Variants in ZSWIM9 observed in about 807,000 individuals in gnomAD.
ZSWIM9 encodes the protein uncharacterized protein ZSWIM9.
ZSWIM9 carries 11 observed loss-of-function variants against 25.0 expected under a neutral mutation model. That is an observed-to-expected ratio of 0.44 (90% confidence interval 0.28 to 0.73). The LOEUF (loss-of-function observed/expected upper bound fraction) is 0.73. ZSWIM9 is among the 30% of genes least tolerant of loss of function. The pLI, the probability that ZSWIM9 is intolerant of heterozygous loss-of-function variation, is 0.16. For missense variants in ZSWIM9, 1,070 were observed against 1,296.5 expected (o/e 0.83, Z 2.68); for synonymous variants, 562 against 582.1 (o/e 0.97, Z 0.50).
chr19:48,175,241 G>T (rs2036880412), intron 2 of ZSWIM9, among the ~76,000 whole-genome samples: 2 of 152,216 alleles, frequency 1.3e-5, no homozygotes, highest in South Asian at 4.1e-4. Flanking sequence ...CAGGACTATG[G>T]AGGGGGCGAG....
At chr19:48,187,606 A>G (rs1333697003) in intron 3 of ZSWIM9, 1 of 104,642 alleles carries the variant, frequency 9.6e-6, no homozygotes. Flanking sequence ...AATATTATAT[A>G]TTATATTAAT....
intron 2 of ZSWIM9, 65 bp downstream of exon 2, chr19:48,172,142 G>GA: frequency 9.2e-6 from 5 of 546,416 alleles, no homozygotes; most frequent in Admixed American, 2.7e-5. Flanking sequence ...GTGTGGGTGG[G>GA]AGACGGGCAG....
Position 48,195,391 on chromosome 19 carries a change from G to C in ZSWIM9, c.1327G>C (p.Val443Leu). ...GTGGGCCGACGCGGCCGGGGAGGCG[G>C]TGCCCGAGGGGCCCGATGGCGGGGG... ...MQWADAAGEA[V>L]PEGPDGGGPW... is the part of the protein sequence containing the mutation. The change falls in exon 4 of 4, where the codon GTG becomes CTG. Residue 443 changes from valine to leucine, a missense_variant. By Grantham distance (32) the Val-to-Leu change is conservative. Around this residue, in one of 4 missense-constraint regions of ZSWIM9, gnomAD observed 583 missense variants for 624.7 expected, o/e 0.93. Transcript: ENST00000614654. This position sits in a 1 kb window ranked among gnomAD's most constrained non-coding sequence, Gnocchi z 5.8. 2 of 1,481,850 alleles carry C rather than the reference G, an allele frequency of 1.3e-6. No individual in the cohort carries two copies. The highest frequency in any genetic ancestry group is 1.8e-6 in the Non-Finnish European group (2 of 1,126,188). The allele number at this position is 1,481,850 out of a possible 1,614,324, so 91.8% of individuals were successfully genotyped here. A position where few individuals can be genotyped will look rare whatever the true frequency, so the allele number is the denominator to read the frequency against.
intron 3 of ZSWIM9, chr19:48,191,989 A>G (rs896445626): frequency 1.3e-5 from 2 of 154,782 alleles, no homozygotes; most frequent in East Asian, 3.9e-4. Context: ...TCATCTGAAA[A>G]AGGGGAATGA....
At position 48,196,784 on chromosome 19, in the gene ZSWIM9, T is replaced by C. The variant is rs990986915; in HGVS notation, c.2720T>C (p.Met907Thr). The C allele has an allele frequency of 1.2e-5, 15 of 1,235,030 alleles. No homozygotes were observed. In the East Asian group the frequency reaches 4.1e-4, roughly 34 times the overall value. 76.5% of individuals were successfully genotyped at this position (1,235,030 alleles called of 1,614,324 possible). A position where few individuals can be genotyped will look rare whatever the true frequency, so the allele number is the denominator to read the frequency against. The change falls in exon 4 of 4, where the codon ATG becomes ACG. Residue 907 changes from methionine (M) to threonine (T), a missense_variant. Transcript: ENST00000614654. ...RLLTGAALFH[M>T]DLLRDCWGRA... Reference sequence around the variant, plus strand: ...CTCACTGGGGCTGCCTTATTCCACATGGACCTGCTCAGGGATTGCTGGGGG... The same window carrying C: ...CTCACTGGGGCTGCCTTATTCCACACGGACCTGCTCAGGGATTGCTGGGGG...
intron 3 of ZSWIM9, among the ~76,000 whole-genome samples, chr19:48,185,786 A>C (rs2037004672): frequency 1.3e-5 from 2 of 152,186 alleles, no homozygotes; most frequent in South Asian, 4.1e-4. Context: ...CAGGAGTTCG[A>C]GACCAGCATG....
Position 48,182,228 on chromosome 19 carries a change from T to A in ZSWIM9, c.276-227T>A, listed in dbSNP as rs2036954766. The A allele has an allele frequency of 1.8e-6, 1 of 571,110 alleles. No individual in the cohort carries two copies. Among genetic ancestry groups the A allele is most frequent in the Non-Finnish European group, 3.1e-6 (1 of 322,970 alleles). 35.4% of individuals were successfully genotyped at this position (571,110 alleles called of 1,614,324 possible). A position where few individuals can be genotyped will look rare whatever the true frequency, so the allele number is the denominator to read the frequency against. The stretch of plus-strand genomic sequence containing the variant: ...TCTTTTCATGCTCATGACGATCCTA[T>A]GAGGAAGGTATGATGAGTAGGACCT... On this transcript the variant is annotated intron_variant, in intron 2 of 3. Transcript: ENST00000614654. This position sits in a 1 kb window ranked among gnomAD's most constrained non-coding sequence, Gnocchi z 4.6.
chr19:48,180,726 G>T (rs961162121), intron 2 of ZSWIM9: 1 of 151,392 alleles, frequency 6.6e-6, no homozygotes, highest in African/African-American at 2.4e-5. Context: ...CGGAAACAAA[G>T]AGTTTTCTTT....
chr19:48,195,743 G>C lies in ZSWIM9; in HGVS notation c.1679G>C (p.Arg560Thr), dbSNP rs2037154607. The change falls in exon 4 of 4, where the codon AGG (arginine) becomes ACG (threonine). Residue 560 changes from arginine to threonine, a missense_variant. Arg to Thr is a moderately conservative substitution (Grantham distance 71). This residue lies in a region of ZSWIM9 where 583 missense variants were observed against 624.7 expected (regional missense o/e 0.93). Coordinates refer to ENST00000614654, the MANE Select transcript of ZSWIM9 (RefSeq NM_199341.4). The surrounding 1 kb of genome is among the most constrained non-coding windows in gnomAD (Gnocchi z 5.8). ...AGAGGGCCAGAGATTAGAGACTGGA[G>C]GGGGCCCCAGTTGGAGGGTGAGAAA... Reference protein sequence around the residue: ...HLRGPEIRDWRGPQLEGEKDW... With the variant: ...HLRGPEIRDWTGPQLEGEKDW... 1 of 1,485,882 alleles carries C rather than the reference G, an allele frequency of 6.7e-7. No individual in the cohort carries two copies. Among genetic ancestry groups the C allele is most frequent in the African/African-American group, 1.4e-5 (1 of 70,434 alleles). 92.0% of individuals were successfully genotyped at this position (1,485,882 alleles called of 1,614,324 possible).
At chr19:48,175,636 A>T (rs1035846209) in intron 2 of ZSWIM9, among the ~76,000 whole-genome samples, 1 of 151,898 alleles carries the variant, frequency 6.6e-6, no homozygotes, top group African/African-American at 2.4e-5. Context: ...GTGGGAGACG[A>T]TGTGGGGGAG....
At chr19:48,179,870 G>A (rs987891823) in intron 2 of ZSWIM9, among the ~76,000 whole-genome samples, 2 of 152,172 alleles carry the variant, frequency 1.3e-5, no homozygotes, top group Admixed American at 6.5e-5. Flanking sequence ...CAGTTCTGGA[G>A]GTCAGGCGGC....
intron 2 of ZSWIM9, among the ~76,000 whole-genome samples, chr19:48,173,617 C>T (rs148277831): frequency 2.0e-4 from 31 of 151,844 alleles, no homozygotes; most frequent in African/African-American, 7.0e-4. Flanking sequence ...CCAAATTGAC[C>T]CCAATTTTAT....
Position 48,196,879 on chromosome 19 carries a change from T to C in ZSWIM9, c.*52T>C, listed in dbSNP as rs1237623050. The C allele has an allele frequency of 8.0e-7, 1 of 1,249,264 alleles. No individual in the cohort carries two copies. The highest frequency in any genetic ancestry group is 3.1e-5 in the East Asian group (1 of 32,540). The allele number at this position is 1,249,264 out of a possible 1,614,324, so 77.4% of individuals were successfully genotyped here. A position where few individuals can be genotyped will look rare whatever the true frequency, so the allele number is the denominator to read the frequency against. ...CCACCAGGAGGGTCGGAGGGCATTC[T>C]TCGATCCCAAAGATAATAGGGCTGA... On this transcript the variant is annotated 3_prime_UTR_variant, in exon 4 of 4. Coordinates refer to ENST00000614654, the MANE Select transcript of ZSWIM9 (RefSeq NM_199341.4).
At position 48,171,837 on chromosome 19, in the gene ZSWIM9, C is replaced by CGGGGCAGGA. The variant is rs1381702553; in HGVS notation, c.38_46dup (p.Gly13_Glu15dup). 7.2e-6 allele frequency: 11 copies of CGGGGCAGGA among 1,534,052 alleles called. No homozygotes were observed. Among genetic ancestry groups the CGGGGCAGGA allele is most frequent in the Non-Finnish European group, 8.7e-6 (10 of 1,146,170 alleles). ...CCGGAGCCCCCACCCGGCACGGCTG[C>CGGGGCAGGA]GGGGCAGGAGGAGCAGGAGCTGCGG... is the stretch of plus-strand genomic sequence containing the variant. On this transcript the variant is annotated inframe_insertion, in exon 2 of 4. Coordinates refer to ENST00000614654, the MANE Select transcript of ZSWIM9 (RefSeq NM_199341.4).
chr19:48,187,982 A>AGATC (rs2037051922), intron 3 of ZSWIM9, among the ~76,000 whole-genome samples: 1 of 151,412 alleles, frequency 6.6e-6, no homozygotes, highest in African/African-American at 2.4e-5. Flanking sequence ...ATAGATAGAT[A>AGATC]GATAGACAGA....
intron 3 of ZSWIM9, among the ~76,000 whole-genome samples, chr19:48,192,450 A>C (rs1191383594): frequency 1.2e-3 from 9 of 7,438 alleles, no homozygotes; most frequent in Non-Finnish European, 1.6e-3. Flanking sequence ...ACTCTGTCTC[A>C]AAAAAAAAAA....
chr19:48,174,019 G>A (rs1178581124), intron 2 of ZSWIM9, among the ~76,000 whole-genome samples: 1 of 152,056 alleles, frequency 6.6e-6, no homozygotes. Flanking sequence ...TGTTTCCATT[G>A]GCAGACGGCC....
Position 48,182,412 on chromosome 19 carries a change from C to T in ZSWIM9, c.276-43C>T. On this transcript the variant is annotated intron_variant, in intron 2 of 3. Transcript: ENST00000614654. This position sits in a 1 kb window ranked among gnomAD's most constrained non-coding sequence, Gnocchi z 4.6. ...AGGTGAGTGGAAAGGAAGAAGAGGGCAGCAGAGTGATGTGACCAGGGCGGT... is the reference window on the plus strand; with the variant it reads ...AGGTGAGTGGAAAGGAAGAAGAGGGTAGCAGAGTGATGTGACCAGGGCGGT... The T allele has an allele frequency of 7.0e-7, 1 of 1,423,840 alleles. No homozygotes were observed. Among genetic ancestry groups the T allele is most frequent in the Non-Finnish European group, 9.4e-7 (1 of 1,064,224 alleles). The allele number at this position is 1,423,840 out of a possible 1,614,324, so 88.2% of individuals were successfully genotyped here.
At chr19:48,187,663 T>A (rs2037046456) in intron 3 of ZSWIM9, 1 of 129,728 alleles carries the variant, frequency 7.7e-6, no homozygotes, top group South Asian at 2.2e-4. Flanking sequence ...ATATAATAGG[T>A]GCGATGGCTC....
Sources: allele counts gnomAD v4.1 joint callset (sites outside exome capture counted in the v4.1 genomes callset), GRCh38; gene constraint gnomAD v4.1.1; regional missense constraint gnomAD v4.1.1; non-coding constraint Gnocchi (gnomAD v3.1); transcripts MANE v1.5; gene names NCBI Gene and HGNC (gene_info 2026-07-23, HGNC 2026-07-21).